PSMA1: variants seen among roughly 807,000 people sequenced by gnomAD.
PSMA1 encodes the protein proteasome 20S subunit alpha 1, also known as proteasome subunit alpha type-1.
Under a neutral mutation model 38.4 loss-of-function variants are expected in PSMA1, and 3 were observed. That is an observed-to-expected ratio of 0.08 (90% CI 0.04 to 0.20). The LOEUF (loss-of-function observed/expected upper bound fraction) is 0.20, where lower values mean the gene tolerates loss of function less well. Ranked by LOEUF, PSMA1 falls within the 10% of genes least tolerant of loss-of-function variation. PSMA1 has a pLI of 1.00. For synonymous variants in PSMA1, 101 were observed against 107.1 expected (o/e 0.94, Z 0.35); for missense variants, 227 against 325.3 (o/e 0.70, Z 2.32).
In PSMA1 at chr11:14,510,895, C is replaced by A; in HGVS notation, c.601G>T (p.Ala201Ser). The change falls in exon 8 of 10, where the codon GCA becomes TCA. Residue 201 changes from alanine (A) to serine (S), a missense_variant. By Grantham distance (99) the Ala-to-Ser change is moderately conservative (BLOSUM62 1). Coordinates refer to ENST00000396394, the MANE Select transcript of PSMA1 (RefSeq NM_002786.4). ...GLRALRETLP[A>S]EQDLTTKNVS... The stretch of plus-strand genomic sequence containing the variant: ...ACCTTTGTAGTCAGGTCCTGTTCTG[C>A]AGGAAGCGTCTCTCTTAAGGCACGC... 6.2e-7 allele frequency: 1 copy of A among 1,608,104 alleles called. No homozygotes were observed. The highest frequency in any genetic ancestry group is 8.5e-7 in the Non-Finnish European group (1 of 1,176,976).
At chr11:14,530,105 T>A (rs899764249) in intron 2 of PSMA1, among the ~76,000 whole-genome samples, 2 of 152,180 alleles carry the variant, frequency 1.3e-5, no homozygotes, top group Non-Finnish European at 2.9e-5. Flanking sequence ...TCCTCAGATA[T>A]GAGTCAGACA....
In PSMA1 at chr11:14,520,355, C is replaced by T; in HGVS notation, c.-56G>A. 6.2e-7 allele frequency: 1 copy of T among 1,614,236 alleles called. No individual in the cohort carries two copies. Among genetic ancestry groups the T allele is most frequent in the Non-Finnish European group, 8.5e-7 (1 of 1,180,038 alleles). ...AGCAAAACTGAGAATCAAGGAGGTG[C>T]TGCCGAAAGTATCGCTCAGCGATCT... is the stretch of plus-strand genomic sequence containing the variant. On this transcript the variant is annotated 5_prime_UTR_variant, in exon 1 of 10. Transcript: ENST00000396394.
At position 14,505,058 on chromosome 11, in the gene PSMA1, C is replaced by T; in HGVS notation, c.*134G>A. The T allele has an allele frequency of 1.2e-6, 1 of 832,352 alleles. No homozygotes were observed. Among genetic ancestry groups the T allele is most frequent in the South Asian group, 1.4e-5 (1 of 71,478 alleles). 51.6% of individuals were successfully genotyped at this position (832,352 alleles called of 1,614,324 possible). On this transcript the variant is annotated 3_prime_UTR_variant, in exon 10 of 10. Coordinates refer to ENST00000396394, the MANE Select transcript of PSMA1 (RefSeq NM_002786.4). ...AGTGAGGTTGCTTGGAAAAAACTCACATCTGGACTGATTCCTAAAACATAG... is the reference window on the plus strand; with the variant it reads ...AGTGAGGTTGCTTGGAAAAAACTCATATCTGGACTGATTCCTAAAACATAG...
At chr11:14,566,063 G>A (rs917726238) in intron 2 of PSMA1, among the ~76,000 whole-genome samples, 1 of 152,220 alleles carries the variant, frequency 6.6e-6, no homozygotes, top group African/African-American at 2.4e-5. Flanking sequence ...AAAAAGCAAG[G>A]CCAGTGTGGC....
chr11:14,632,812 C>T (rs958454539), intron 1 of PSMA1, among the ~76,000 whole-genome samples: 18 of 151,988 alleles, frequency 1.2e-4, no homozygotes, highest in African/African-American at 1.9e-4. Flanking sequence ...ACCAATCAGA[C>T]GTAGATTTGG....
chr11:14,546,314 C>T (rs1353031325), intron 2 of PSMA1, among the ~76,000 whole-genome samples: 6 of 151,682 alleles, frequency 4.0e-5, no homozygotes, highest in Non-Finnish European at 7.4e-5. Flanking sequence ...TTTTCTCCAC[C>T]CTGCCCCCCA....
intron 2 of PSMA1, among the ~76,000 whole-genome samples, chr11:14,548,253 A>G (rs1285833882): frequency 6.6e-6 from 1 of 152,112 alleles, no homozygotes; most frequent in Non-Finnish European, 1.5e-5. Context: ...TTCTATTATT[A>G]TGTACTATTA....
chr11:14,606,484 A>T (rs1852645395), intron 2 of PSMA1, among the ~76,000 whole-genome samples: 1 of 152,218 alleles, frequency 6.6e-6, no homozygotes, highest in South Asian at 2.1e-4. Flanking sequence ...ACCCTCAGGG[A>T]GAGATTTCAA....
intron 8 of PSMA1, among the ~76,000 whole-genome samples, chr11:14,509,042 C>G (rs1475579983): frequency 3.3e-5 from 5 of 152,112 alleles, no homozygotes; most frequent in Admixed American, 3.3e-4. Flanking sequence ...AATGCCATTT[C>G]TATATAAAGA....
chr11:14,524,483 A>G (rs1013183225), upstream of PSMA1, among the ~76,000 whole-genome samples: 8 of 151,988 alleles, frequency 5.3e-5, no homozygotes, highest in African/African-American at 1.9e-4. Flanking sequence ...CACCCTTGAG[A>G]ATGTACTTTG....
intron 2 of PSMA1, among the ~76,000 whole-genome samples, chr11:14,533,366 A>G (rs1851669879): frequency 6.6e-6 from 1 of 152,072 alleles, no homozygotes; most frequent in African/African-American, 2.4e-5. Context: ...TGACTCTCAT[A>G]TTTCTTTACC....
chr11:14,537,867 C>A (rs1006313982), intron 2 of PSMA1, among the ~76,000 whole-genome samples: 2 of 151,928 alleles, frequency 1.3e-5, no homozygotes, highest in Non-Finnish European at 2.9e-5. Context: ...CACTGCCACA[C>A]CTGGCTAACT....
chr11:14,518,966 T>G, intron 2 of PSMA1, 31 bp downstream of exon 2: 1 of 1,526,136 alleles, frequency 6.6e-7, no homozygotes, highest in Non-Finnish European at 8.9e-7. Context: ...AAAAGCCACT[T>G]CACAGAAAAG....
At chr11:14,527,862 T>A (rs2134157614) in intron 2 of PSMA1, among the ~76,000 whole-genome samples, 1 of 152,276 alleles carries the variant, frequency 6.6e-6, no homozygotes, top group South Asian at 2.1e-4. Flanking sequence ...GGATAGAAGA[T>A]CTTCAGTGAC....
At chr11:14,543,319 A>G (rs961588675) in intron 2 of PSMA1, among the ~76,000 whole-genome samples, 9 of 152,196 alleles carry the variant, frequency 5.9e-5, no homozygotes, top group African/African-American at 1.7e-4. Flanking sequence ...ACTACATAGC[A>G]AGACACAGTT....
intron 2 of PSMA1, among the ~76,000 whole-genome samples, chr11:14,552,612 G>A (rs1188289275): frequency 6.6e-6 from 1 of 152,026 alleles, no homozygotes; most frequent in African/African-American, 2.4e-5. Flanking sequence ...TATGCTACTT[G>A]CCTTCTTGAA....
At chr11:14,618,322 T>A (rs1852801094) in intron 1 of PSMA1, among the ~76,000 whole-genome samples, 1 of 152,238 alleles carries the variant, frequency 6.6e-6, no homozygotes, top group Admixed American at 6.5e-5. Flanking sequence ...TGGCTACCAC[T>A]AACATCTGTT....
At chr11:14,581,070 A>G (rs1852276986) in intron 2 of PSMA1, among the ~76,000 whole-genome samples, 1 of 152,134 alleles carries the variant, frequency 6.6e-6, no homozygotes, top group African/African-American at 2.4e-5. Context: ...CATATGAGAG[A>G]ACCTTTAGAA....
chr11:14,567,216 G>A (rs1852082393), intron 2 of PSMA1, among the ~76,000 whole-genome samples: 2 of 152,192 alleles, frequency 1.3e-5, no homozygotes, highest in African/African-American at 4.8e-5. Flanking sequence ...GCCTAGCTAT[G>A]CTGAACCCTG....
Sources: gnomAD v4.1 joint callset for allele counts (sites outside exome capture counted in the v4.1 genomes callset) on GRCh38, gnomAD v4.1.1 for gene constraint, MANE v1.5 for transcripts, NCBI Gene and HGNC (gene_info 2026-07-23, HGNC 2026-07-21) for gene names.